The following SH3PXD2A variants were observed in gnomAD, a reference collection of about 807,000 sequenced individuals.
SH3PXD2A encodes the protein SH3 and PX domains 2A.
SH3PXD2A carries 32 observed loss-of-function variants against 115.2 expected under a neutral mutation model. The observed-to-expected ratio is 0.28, with a 90% CI of 0.21 to 0.37. SH3PXD2A has a LOEUF of 0.37. Among genes scored for constraint, SH3PXD2A ranks in the 10% least tolerant of loss-of-function variants. The pLI, the probability that SH3PXD2A is intolerant of heterozygous loss-of-function variation, is 1.00. For synonymous variants in SH3PXD2A, 610 were observed against 629.1 expected, an observed-to-expected ratio of 0.97 and a Z score of 0.45; for missense variants, 1,328 against 1,498.7, an observed-to-expected ratio of 0.89 and a Z score of 1.88.
At chr10:103,810,487 G>A (rs1423739339) in intron 1 of SH3PXD2A, among the ~76,000 whole-genome samples, 1 of 152,144 alleles carries the variant, frequency 6.6e-6, no homozygotes, top group African/African-American at 2.4e-5. Context: ...GGAGGAAGAT[G>A]ACTTCAAATT....
At chr10:103,816,627 G>T (rs377219677) in intron 1 of SH3PXD2A, among the ~76,000 whole-genome samples, 3 of 152,058 alleles carry the variant, frequency 2.0e-5, no homozygotes, top group Non-Finnish European at 4.4e-5. Flanking sequence ...TAGCGTCACC[G>T]GATGACTCAG....
chr10:103,634,662 G>T (rs1294471522), intron 8 of SH3PXD2A, among the ~76,000 whole-genome samples: 1 of 152,192 alleles, frequency 6.6e-6, no homozygotes, highest in Admixed American at 6.5e-5. Flanking sequence ...CTGAGCAGGT[G>T]TCTTGTATGT....
chr10:103,681,642 G>A (rs2037609463), intron 6 of SH3PXD2A, among the ~76,000 whole-genome samples: 2 of 152,228 alleles, frequency 1.3e-5, no homozygotes, highest in African/African-American at 4.8e-5. Context: ...TACTCAGGAG[G>A]CTGAGGCGGG....
intron 1 of SH3PXD2A, among the ~76,000 whole-genome samples, chr10:103,848,945 ATTCTTT>A (rs1337869128): frequency 1.1e-4 from 11 of 96,974 alleles, no homozygotes; most frequent in Non-Finnish European, 2.2e-4. Flanking sequence ...TTCCCCATAT[ATTCTTT>A]TTTTTTTTTT....
In SH3PXD2A at chr10:103,603,107, G is replaced by A. The variant is rs754305451; in HGVS notation, c.2111C>T (p.Ser704Phe). ...GGACAAGGAAGAGGAGGAGGAGGAAGAGGAGGAGCAGCAAGTGGTGTTGAT... is the reference window on the plus strand; with the variant it reads ...GGACAAGGAAGAGGAGGAGGAGGAAAAGGAGGAGCAGCAAGTGGTGTTGAT... Reference protein sequence around the residue: ...ITINTTCCSSSSSSSSSLSKT... With the variant: ...ITINTTCCSSFSSSSSSLSKT... The change falls in exon 15 of 15, where the codon TCT becomes TTT. Residue 704 changes from serine to phenylalanine, a missense_variant. Ser to Phe is a radical substitution (Grantham distance 155). Coordinates refer to ENST00000369774, the MANE Select transcript of SH3PXD2A (RefSeq NM_001394015.1). The A allele has an allele frequency of 1.9e-6, 3 of 1,612,912 alleles. No individual in the cohort carries two copies. The highest frequency in any genetic ancestry group is 2.5e-6 in the Non-Finnish European group (3 of 1,180,018).
Position 103,801,279 on chromosome 10 carries a change from C to T in SH3PXD2A, c.153+3G>A. ...GCCACTGTCCGAGCTCTGACAAACT[C>T]ACCTGCAGGTCAAAGAACTTGCTGT... On this transcript the variant is annotated splice_donor_region_variant and intron_variant, in intron 2 of 14. Transcript: ENST00000369774. 1 of 1,595,156 alleles carries T rather than the reference C, an allele frequency of 6.3e-7. No individual in the cohort carries two copies. Among genetic ancestry groups the T allele is most frequent in the Non-Finnish European group, 8.6e-7 (1 of 1,163,238 alleles).
chr10:103,629,657 C>T (rs1488242468), intron 8 of SH3PXD2A, among the ~76,000 whole-genome samples: 1 of 152,216 alleles, frequency 6.6e-6, no homozygotes, highest in African/African-American at 2.4e-5. Context: ...CCATTCCTTC[C>T]ACATTCGGCT....
intron 8 of SH3PXD2A, among the ~76,000 whole-genome samples, chr10:103,636,331 C>T (rs1037178646): frequency 5.3e-5 from 8 of 151,554 alleles, no homozygotes; most frequent in Non-Finnish European, 1.0e-4. Flanking sequence ...ATGGCATGAA[C>T]CTGAGAGGCG....
At chr10:103,739,856 G>T (rs892531388) in intron 3 of SH3PXD2A, among the ~76,000 whole-genome samples, 1 of 152,192 alleles carries the variant, frequency 6.6e-6, no homozygotes, top group African/African-American at 2.4e-5. Context: ...CTGCCACTCT[G>T]GGCTGGGCTG....
intron 8 of SH3PXD2A, among the ~76,000 whole-genome samples, chr10:103,643,426 CAA>C (rs2036984476): frequency 6.6e-6 from 1 of 152,148 alleles, no homozygotes; most frequent in Non-Finnish European, 1.5e-5. Context: ...ACATGTATTT[CAA>C]AAAGACATTT....
intron 13 of SH3PXD2A, among the ~76,000 whole-genome samples, chr10:103,607,694 T>C (rs1182839818): frequency 1.3e-5 from 2 of 151,790 alleles, no homozygotes; most frequent in African/African-American, 4.8e-5. Flanking sequence ...ACAATGGCGG[T>C]TTTGTGGAAT....
intron 6 of SH3PXD2A, among the ~76,000 whole-genome samples, chr10:103,676,551 G>A (rs1296824123): frequency 1.3e-5 from 2 of 152,190 alleles, no homozygotes; most frequent in Admixed American, 6.5e-5. Context: ...CTGGCAGGGA[G>A]TAGCAGGTAG....
chr10:103,686,119 T>C (rs2037674161), intron 6 of SH3PXD2A, among the ~76,000 whole-genome samples: 1 of 152,126 alleles, frequency 6.6e-6, no homozygotes, highest in African/African-American at 2.4e-5. Context: ...GAGATAGAAG[T>C]GGGGCTGAGC....
intron 8 of SH3PXD2A, among the ~76,000 whole-genome samples, chr10:103,652,289 C>T (rs2134026051): frequency 6.6e-6 from 1 of 152,382 alleles, no homozygotes. Context: ...TGGGATTCCA[C>T]AGCTCAGCTC....
intron 1 of SH3PXD2A, among the ~76,000 whole-genome samples, chr10:103,803,134 G>A (rs1412216011): frequency 3.3e-5 from 5 of 152,174 alleles, no homozygotes; most frequent in Admixed American, 2.0e-4. Flanking sequence ...ATGACACAGA[G>A]GCAGACTCAT....
chr10:103,789,747 G>A lies in SH3PXD2A; in HGVS notation c.153+11535C>T, dbSNP rs181549056. On this transcript the variant is annotated intron_variant, in intron 2 of 14. Transcript: ENST00000369774. ...TTTGGGCCTAGGAGCAGAGGAGGAA[G>A]GAGGTGGCAGAGGCTGCAACTGCAT... Among the ~76,000 whole-genome samples, 458 of 152,346 alleles carry A rather than the reference G, an allele frequency of 3.0e-3. 1 individual carries two copies. Among genetic ancestry groups the A allele is most frequent in the African/African-American group, 0.01 (428 of 41,568 alleles).
intron 13 of SH3PXD2A, among the ~76,000 whole-genome samples, chr10:103,607,851 C>T (rs1268324062): frequency 1.3e-5 from 2 of 151,936 alleles, no homozygotes; most frequent in African/African-American, 2.4e-5. Context: ...TGTGACCTTA[C>T]CCCCAACCCT....
intron 14 of SH3PXD2A, among the ~76,000 whole-genome samples, chr10:103,605,021 G>A (rs561286319): frequency 6.6e-6 from 1 of 152,304 alleles, no homozygotes; most frequent in Admixed American, 6.5e-5. Flanking sequence ...GCCACTCAGA[G>A]AATTGACTAA....
chr10:103,766,749 G>GAGTC (rs754608234), intron 3 of SH3PXD2A, among the ~76,000 whole-genome samples: 2 of 152,172 alleles, frequency 1.3e-5, no homozygotes, highest in Non-Finnish European at 2.9e-5. Context: ...ATTAGAATGG[G>GAGTC]AGTCAGTACA....
Sources: allele counts gnomAD v4.1 joint callset (sites outside exome capture counted in the v4.1 genomes callset), GRCh38; gene constraint gnomAD v4.1.1; transcripts MANE v1.5; gene names NCBI Gene and HGNC (gene_info 2026-07-23, HGNC 2026-07-21).